ZNF875: variants seen among roughly 807,000 people sequenced by gnomAD.
ZNF875 encodes the protein HKR1, GLI-Kruppel zinc finger family member.
In ZNF875, 14 loss-of-function variants were observed where a neutral mutation model predicts 11.2. That is an observed-to-expected ratio of 1.26 (90% CI 0.83 to 1.96). The LOEUF (loss-of-function observed/expected upper bound fraction) is 1.96. Among genes scored for constraint, ZNF875 ranks in the 30% most tolerant of loss-of-function variants. The pLI is 0.00. For missense variants in ZNF875, 752 were observed against 760.4 expected, an observed-to-expected ratio of 0.99 and a Z score of 0.13; for synonymous variants, 301 against 281.1, an observed-to-expected ratio of 1.07 and a Z score of -0.71.
chr19:37,341,166 G>A (rs1186881123), intron 2 of ZNF875, among the ~76,000 whole-genome samples: 1 of 152,146 alleles, frequency 6.6e-6, no homozygotes, highest in East Asian at 1.9e-4. Context: ...GGTCACATTA[G>A]TCACCACGTA....
At chr19:37,336,185 G>T (rs2034359572) in intron 2 of ZNF875, among the ~76,000 whole-genome samples, 1 of 152,116 alleles carries the variant, frequency 6.6e-6, no homozygotes, top group African/African-American at 2.4e-5. Flanking sequence ...TTAAGTTGGA[G>T]ATTGGGGGGA....
chr19:37,336,713 C>A (rs953176864), intron 2 of ZNF875, among the ~76,000 whole-genome samples: 2 of 150,388 alleles, frequency 1.3e-5, no homozygotes, highest in Admixed American at 6.6e-5. Flanking sequence ...TGGAGACCAT[C>A]CTGGCTGACA....
At chr19:37,351,346 G>A (rs913298673) in intron 4 of ZNF875, among the ~76,000 whole-genome samples, 2 of 152,028 alleles carry the variant, frequency 1.3e-5, no homozygotes, top group Non-Finnish European at 2.9e-5. Context: ...TTATCTAAAG[G>A]TTTATTAATT....
Position 37,340,786 on chromosome 19 carries a change from C to T in ZNF875, c.33+5529C>T, listed in dbSNP as rs568723560. Among the ~76,000 whole-genome samples, 14 of 151,228 alleles carry T rather than the reference C, an allele frequency of 9.3e-5. No homozygotes were observed. The East Asian group carries it at 2.6e-3, about 28-fold the overall frequency. On this transcript the variant is annotated intron_variant, in intron 2 of 4. Transcript: ENST00000392153. ...GCCTCAGCCTCCCGAGTAGCTGGGACTACAGGTGCCGACCACCACGCCCGG... is the reference window on the plus strand; with the variant it reads ...GCCTCAGCCTCCCGAGTAGCTGGGATTACAGGTGCCGACCACCACGCCCGG...
intron 1 of ZNF875, among the ~76,000 whole-genome samples, chr19:37,318,524 CT>C (rs1233207140): frequency 0.048 from 6,705 of 138,916 alleles, 146 homozygotes; most frequent in Non-Finnish European, 0.062. Flanking sequence ...TATTTGTTTT[CT>C]TTTTTTTTTT....
intron 2 of ZNF875, among the ~76,000 whole-genome samples, chr19:37,344,326 C>T (rs1467881994): frequency 2.0e-5 from 3 of 152,130 alleles, no homozygotes; most frequent in Non-Finnish European, 4.4e-5. Context: ...GCTCCCCCCG[C>T]AATTTCTGAT....
chr19:37,343,982 C>A (rs7245607), intron 2 of ZNF875, among the ~76,000 whole-genome samples: 1 of 152,110 alleles, frequency 6.6e-6, no homozygotes, highest in African/African-American at 2.4e-5. Context: ...TTCCCAAGGA[C>A]TGGGGTGCTT....
chr19:37,361,520 T>A (rs1022772778), intron 4 of ZNF875, among the ~76,000 whole-genome samples: 1 of 152,090 alleles, frequency 6.6e-6, no homozygotes, highest in Admixed American at 6.6e-5. Flanking sequence ...TCTTTTGAAT[T>A]CAACCCCTTA....
chr19:37,331,822 G>T (rs1307605362), upstream of ZNF875, among the ~76,000 whole-genome samples: 2 of 129,998 alleles, frequency 1.5e-5, no homozygotes, highest in Non-Finnish European at 3.6e-5. Flanking sequence ...CCCGACACCC[G>T]TAAAGGGTCT....
At chr19:37,344,800 AC>A in intron 2 of ZNF875, 1 of 1,340,212 alleles carries the variant, frequency 7.5e-7, no homozygotes, top group Non-Finnish European at 1.1e-6. Flanking sequence ...TTAAAGTAAC[AC>A]TAATTGCTCT....
At chr19:37,352,626 G>T (rs1403312506) in intron 4 of ZNF875, among the ~76,000 whole-genome samples, 1 of 151,860 alleles carries the variant, frequency 6.6e-6, no homozygotes, top group African/African-American at 2.4e-5. Flanking sequence ...TTGCGTCTTT[G>T]TATTTAAAAT....
chr19:37,326,728 C>T (rs2032522431), intron 4 of ZNF875, among the ~76,000 whole-genome samples: 2 of 120,600 alleles, frequency 1.7e-5, no homozygotes, highest in South Asian at 2.7e-4. Context: ...AGTGCAGTGG[C>T]GTGATCTCAT....
At position 37,362,696 on chromosome 19, in the gene ZNF875, T is replaced by C. The variant is rs771502234; in HGVS notation, c.844T>C (p.Tyr282His). 3 of 1,613,354 alleles carry C rather than the reference T, an allele frequency of 1.9e-6. No homozygotes were observed. Among genetic ancestry groups the C allele is most frequent in the Non-Finnish European group, 2.5e-6 (3 of 1,179,694 alleles). ...AAGGACACACTCTGGGGGAAAGCCT[T>C]ATGTGTGCAGGGAATGTGGGCGAGG... ...NPRTHSGGKPYVCRECGRGFT... is the reference protein window; with the variant it reads ...NPRTHSGGKPHVCRECGRGFT... Residue 282 changes from tyrosine (Y) to histidine (H), a missense_variant, in exon 5 of 5, where the codon TAT becomes CAT. Transcript: ENST00000392153.
At chr19:37,347,440 T>C (rs2037028616) in intron 3 of ZNF875, 124 bp downstream of exon 3, 4 of 904,264 alleles carry the variant, frequency 4.4e-6, no homozygotes, top group African/African-American at 1.7e-5. Flanking sequence ...TTTACTTTTT[T>C]CCTCTGGGTA....
At chr19:37,327,477 C>T (rs951725377) in intron 4 of ZNF875, among the ~76,000 whole-genome samples, 36 of 151,750 alleles carry the variant, frequency 2.4e-4, no homozygotes, top group African/African-American at 8.7e-4. Context: ...TACGGAATTT[C>T]ATATTCAGGG....
At chr19:37,324,665 A>T (rs1214976803) in intron 4 of ZNF875, 1 of 152,264 alleles carries the variant, frequency 6.6e-6, no homozygotes, top group African/African-American at 2.4e-5. Context: ...TTCCTTCAGG[A>T]GGATTAAACT....
chr19:37,352,056 G>A (rs936449480), intron 4 of ZNF875, among the ~76,000 whole-genome samples: 1 of 152,114 alleles, frequency 6.6e-6, no homozygotes, highest in Non-Finnish European at 1.5e-5. Context: ...GATCTCTAAG[G>A]TTTTGATTCA....
At chr19:37,330,884 T>A (rs1373195167), upstream of ZNF875, among the ~76,000 whole-genome samples, 1 of 152,168 alleles carries the variant, frequency 6.6e-6, no homozygotes, top group East Asian at 1.9e-4. Context: ...AGAAGTTTCT[T>A]CTATAAATGT....
chr19:37,313,876 A>C (rs1325812740), upstream of ZNF875, among the ~76,000 whole-genome samples: 2 of 152,134 alleles, frequency 1.3e-5, no homozygotes, highest in Non-Finnish European at 2.9e-5. Context: ...GCCTTACTCC[A>C]GGCAGTGTGA....
Sources: gnomAD v4.1 joint callset for allele counts (sites outside exome capture counted in the v4.1 genomes callset) on GRCh38, gnomAD v4.1.1 for gene constraint, MANE v1.5 for transcripts, NCBI Gene and HGNC (gene_info 2026-07-23, HGNC 2026-07-21) for gene names.